The following WAPL variants were observed in gnomAD, a reference collection of about 807,000 sequenced individuals.
The protein encoded by WAPL is wings apart-like protein homolog.
WAPL carries 5 observed loss-of-function variants against 121.0 expected under a neutral mutation model. The ratio of observed to expected loss-of-function variants is 0.04; its 90% CI spans 0.02 to 0.09. The LOEUF is 0.09. Among genes scored for constraint, WAPL ranks in the 10% least tolerant of loss-of-function variants. The probability of loss-of-function intolerance (pLI) is 1.00; values close to 1 mark genes in which losing one functional copy is unlikely to be tolerated. For synonymous variants in WAPL, 480 were observed against 481.5 expected, an observed-to-expected ratio of 1.00 and a Z score of 0.04; for missense variants, 999 against 1,410.8, an observed-to-expected ratio of 0.71 and a Z score of 4.68.
chr10:86,473,602 TAC>T (rs1841584274), intron 5 of WAPL, among the ~76,000 whole-genome samples: 1 of 152,164 alleles, frequency 6.6e-6, no homozygotes, highest in Non-Finnish European at 1.5e-5. Flanking sequence ...AAACACTAAA[TAC>T]TATAAATTCC....
chr10:86,494,082 T>C (rs916386547), intron 4 of WAPL, among the ~76,000 whole-genome samples: 20 of 152,156 alleles, frequency 1.3e-4, no homozygotes, highest in African/African-American at 4.3e-4. Context: ...CAATGGTGGG[T>C]AAAACTGCTG....
At chr10:86,520,883 C>A (rs1053090147) in intron 1 of WAPL, among the ~76,000 whole-genome samples, 2 of 151,912 alleles carry the variant, frequency 1.3e-5, no homozygotes, top group Admixed American at 6.5e-5. Context: ...GGAAAGCGGA[C>A]GGGACGAACC....
intron 17 of WAPL, among the ~76,000 whole-genome samples, chr10:86,438,279 A>G (rs1234312945): frequency 6.6e-6 from 1 of 150,954 alleles, no homozygotes; most frequent in Admixed American, 6.6e-5. Flanking sequence ...TTTAAATGAA[A>G]CAGTCACTCT....
intron 3 of WAPL, among the ~76,000 whole-genome samples, chr10:86,499,219 G>C (rs539846739): frequency 1.3e-5 from 2 of 152,140 alleles, no homozygotes; most frequent in African/African-American, 2.4e-5. Flanking sequence ...TACAACTTGG[G>C]ACCTGATCAT....
intron 16 of WAPL, 28 bp downstream of exon 16, chr10:86,446,214 T>A: frequency 1.2e-6 from 2 of 1,608,870 alleles, no homozygotes; most frequent in South Asian, 2.2e-5. Flanking sequence ...TATCTTCAAT[T>A]TAAATACACC....
chr10:86,521,527 G>A lies in WAPL; in HGVS notation c.-185C>T, dbSNP rs775147089. 2.7e-6 allele frequency: 1 copy of A among 366,734 alleles called. No homozygotes were observed. The highest frequency in any genetic ancestry group is 2.3e-5 in the African/African-American group (1 of 43,404). The allele number at this position is 366,734 out of a possible 1,614,324, so 22.7% of individuals were successfully genotyped here. A position where few individuals can be genotyped will look rare whatever the true frequency, so the allele number is the denominator to read the frequency against. ...TTTCGGTAAATAGGAAGCCCGGTTGGGGGGGCAGGAGCGGCGGCCCCGCAA... is the reference window on the plus strand; with the variant it reads ...TTTCGGTAAATAGGAAGCCCGGTTGAGGGGGCAGGAGCGGCGGCCCCGCAA... On this transcript the variant is annotated 5_prime_UTR_variant, in exon 1 of 19. Transcript: ENST00000298767.
chr10:86,521,625 G>C lies in WAPL; in HGVS notation c.-283C>G, dbSNP rs940105745. ...TCGCTGGCCGCCACTGCTGGAGCTG[G>C]TAACAGAGCCTGCTGTGTGCCCCCG... On this transcript the variant is annotated 5_prime_UTR_variant, in exon 1 of 19. Coordinates refer to ENST00000298767, the MANE Select transcript of WAPL (RefSeq NM_015045.5). The C allele has an allele frequency of 1.1e-4, 52 of 459,156 alleles. No homozygotes were observed. Among genetic ancestry groups the C allele is most frequent in the Admixed American group, 4.8e-4 (20 of 41,676 alleles). 28.4% of individuals were successfully genotyped at this position (459,156 alleles called of 1,614,324 possible).
Position 86,500,343 on chromosome 10 carries a change from A to T in WAPL, c.900T>A (p.Asn300Lys), listed in dbSNP as rs1219801228. 1.9e-6 allele frequency: 3 copies of T among 1,614,082 alleles called. No homozygotes were observed. In the African/African-American group the frequency reaches 4.0e-5, roughly 22 times the overall value. ...PTNCRTYCRA[N>K]KTKSSQGASN... ...ATGCTCCTTGGGAGGATTTCGTTTTATTGGCCCTACAGTACGTCCTACAGT... is the reference window on the plus strand; with the variant it reads ...ATGCTCCTTGGGAGGATTTCGTTTTTTTGGCCCTACAGTACGTCCTACAGT... Residue 300 changes from asparagine to lysine, a missense_variant, in exon 3 of 19, where the codon AAT (asparagine) becomes AAA (lysine). By Grantham distance (94) the Asn-to-Lys change is moderately conservative. Coordinates refer to ENST00000298767, the MANE Select transcript of WAPL (RefSeq NM_015045.5).
intron 2 of WAPL, among the ~76,000 whole-genome samples, chr10:86,511,943 A>AT (rs756926046): frequency 0.098 from 14,984 of 152,232 alleles, 853 homozygotes; most frequent in African/African-American, 0.16. Context: ...AAAAATAAAA[A>AT]AAGAAATAAT....
At chr10:86,461,356 C>T (rs1172983902) in intron 9 of WAPL, 69 bp from the exon 10 acceptor site, 1 of 1,229,350 alleles carries the variant, frequency 8.1e-7, no homozygotes, top group African/African-American at 1.5e-5. Context: ...TTTCTCTTTA[C>T]AAAAATTTAC....
intron 17 of WAPL, among the ~76,000 whole-genome samples, chr10:86,441,139 C>G (rs1589487801): frequency 6.6e-6 from 1 of 152,172 alleles, no homozygotes; most frequent in Admixed American, 6.5e-5. Flanking sequence ...AGAAAACAAT[C>G]TGCCTTCCAT....
chr10:86,474,948 T>C (rs1287504224), intron 4 of WAPL, among the ~76,000 whole-genome samples: 1 of 152,158 alleles, frequency 6.6e-6, no homozygotes, highest in Non-Finnish European at 1.5e-5. Context: ...ATATAATACA[T>C]ATACCACATA....
chr10:86,492,549 C>T (rs79797576), intron 4 of WAPL, among the ~76,000 whole-genome samples: 10,157 of 152,206 alleles, frequency 0.067, 643 homozygotes, highest in East Asian at 0.38. Context: ...CATGAGACTT[C>T]TGATGTAAAG....
Position 86,497,329 on chromosome 10 carries a change from T to A in WAPL, c.1526-10A>T, listed in dbSNP as rs746322389. On this transcript the variant is annotated splice_polypyrimidine_tract_variant and intron_variant, in intron 3 of 18. Transcript: ENST00000298767. ...GTAAAATCCAAGTTTTCTGAAATGG[T>A]AATCAAAACTATCTAGCTTACTAAT... 6.9e-5 allele frequency: 109 copies of A among 1,578,942 alleles called. No homozygotes were observed. In the Middle Eastern group the frequency reaches 8.4e-4, roughly 12 times the overall value.
At chr10:86,492,027 C>G (rs1412033565) in intron 4 of WAPL, among the ~76,000 whole-genome samples, 2 of 152,228 alleles carry the variant, frequency 1.3e-5, no homozygotes, top group African/African-American at 4.8e-5. Flanking sequence ...TTTCCTCCCC[C>G]TCCTCATCCC....
chr10:86,506,300 G>A (rs1842347510), intron 2 of WAPL, among the ~76,000 whole-genome samples: 1 of 152,170 alleles, frequency 6.6e-6, no homozygotes, highest in Admixed American at 6.5e-5. Flanking sequence ...AGTGATGCAT[G>A]AAAGAACTTC....
At chr10:86,444,007 G>C (rs1182536608) in intron 16 of WAPL, 2 of 152,462 alleles carry the variant, frequency 1.3e-5, no homozygotes, top group South Asian at 2.1e-4. Flanking sequence ...CTGGGTGACA[G>C]AGCAAGACTC....
At chr10:86,482,202 C>CT (rs1320176837) in intron 4 of WAPL, among the ~76,000 whole-genome samples, 2 of 152,210 alleles carry the variant, frequency 1.3e-5, no homozygotes, top group African/African-American at 4.8e-5. Context: ...TGCTGTTGTT[C>CT]ACTGTGAAAA....
chr10:86,520,019 G>A (rs1183248688), intron 1 of WAPL, among the ~76,000 whole-genome samples: 1 of 152,208 alleles, frequency 6.6e-6, no homozygotes, highest in Non-Finnish European at 1.5e-5. Flanking sequence ...GTGCTGGCTG[G>A]GGGCGGCAGG....
Sources: gnomAD v4.1 joint callset for allele counts (sites outside exome capture counted in the v4.1 genomes callset) on GRCh38, gnomAD v4.1.1 for gene constraint, MANE v1.5 for transcripts, NCBI Gene and HGNC (gene_info 2026-07-23, HGNC 2026-07-21) for gene names.